ARHGAP44: variants seen among roughly 807,000 people sequenced by gnomAD.
ARHGAP44 encodes Rho GTPase activating protein 44, also known as rho GTPase-activating protein 44.
ARHGAP44 carries 43 observed loss-of-function variants against 106.8 expected under a neutral mutation model. That is an observed-to-expected ratio of 0.40 (90% CI 0.32 to 0.52). The LOEUF is 0.52. ARHGAP44 is among the 20% of genes least tolerant of loss of function. The pLI, the probability that ARHGAP44 is intolerant of heterozygous loss-of-function variation, is 0.48. For missense variants in ARHGAP44, 866 were observed against 1,050.5 expected, an observed-to-expected ratio of 0.82 and a Z score of 2.43; for synonymous variants, 439 against 410.3, an observed-to-expected ratio of 1.07 and a Z score of -0.85.
intron 1 of ARHGAP44, among the ~76,000 whole-genome samples, chr17:12,841,641 A>ACACACACAC (rs2035409552): frequency 7.8e-6 from 1 of 127,806 alleles, no homozygotes; most frequent in African/African-American, 3.4e-5. Context: ...CACACACACA[A>ACACACACAC]ACAAACAAAC....
At chr17:12,941,900 G>A (rs895074568) in intron 8 of ARHGAP44, among the ~76,000 whole-genome samples, 1 of 152,146 alleles carries the variant, frequency 6.6e-6, no homozygotes, top group Non-Finnish European at 1.5e-5. Flanking sequence ...GGAATAAAAG[G>A]CTAAGACCTA....
At chr17:12,956,866 AACACACACAC>A (rs3076699) in intron 15 of ARHGAP44, 120 bp downstream of exon 15, 17 of 621,428 alleles carry the variant, frequency 2.7e-5, no homozygotes, top group Admixed American at 7.8e-5. Flanking sequence ...TTCCCCTATA[AACACACACAC>A]ACACACACAC....
intron 1 of ARHGAP44, among the ~76,000 whole-genome samples, chr17:12,888,799 T>C (rs1312559396): frequency 6.6e-6 from 1 of 152,244 alleles, no homozygotes; most frequent in Admixed American, 6.5e-5. Context: ...CTTAGGATTG[T>C]TGTGTCTTAG....
At chr17:12,854,746 G>A (rs1254772123) in intron 1 of ARHGAP44, among the ~76,000 whole-genome samples, 1 of 152,032 alleles carries the variant, frequency 6.6e-6, no homozygotes, top group Admixed American at 6.5e-5. Context: ...ATCACCTTAG[G>A]TTGGGAGCTC....
chr17:12,965,117 G>A (rs2039358383), intron 16 of ARHGAP44, among the ~76,000 whole-genome samples: 1 of 152,124 alleles, frequency 6.6e-6, no homozygotes, highest in Non-Finnish European at 1.5e-5. Flanking sequence ...TCAAGGCCCT[G>A]ACAGCATCTA....
At position 12,944,137 on chromosome 17, in the gene ARHGAP44, A is replaced by G; in HGVS notation, c.802A>G (p.Ile268Val). 6.2e-7 allele frequency: 1 copy of G among 1,612,804 alleles called. No homozygotes were observed. The change falls in exon 10 of 21, where the codon ATC (isoleucine) becomes GTC (valine). Residue 268 changes from isoleucine to valine, a missense_variant. Ile to Val is a conservative substitution (Grantham distance 29). Transcript: ENST00000379672. ...GCACCTCACCATCAGCGGCCGGGAG[A>G]TCGCCTTCCCCATCGAGGCGTGTGT... Reference protein sequence around the residue: ...EEHLTISGREIAFPIEACVTM... With the variant: ...EEHLTISGREVAFPIEACVTM...
At chr17:12,848,821 C>T (rs541981892) in intron 1 of ARHGAP44, among the ~76,000 whole-genome samples, 6 of 152,142 alleles carry the variant, frequency 3.9e-5, no homozygotes, top group Non-Finnish European at 7.4e-5. Flanking sequence ...CCAAGGTGGG[C>T]GGATCACCAG....
intron 15 of ARHGAP44, among the ~76,000 whole-genome samples, chr17:12,957,623 G>T (rs2039162254): frequency 6.6e-6 from 1 of 152,078 alleles, no homozygotes; most frequent in Non-Finnish European, 1.5e-5. Flanking sequence ...TTCAAAATTA[G>T]GCTCTGAAGA....
chr17:12,870,658 T>C (rs1314578992), intron 1 of ARHGAP44, among the ~76,000 whole-genome samples: 1 of 152,246 alleles, frequency 6.6e-6, no homozygotes, highest in Non-Finnish European at 1.5e-5. Context: ...TTATTTCCTC[T>C]GGTGATTTAC....
chr17:12,986,700 AAAGAATG>A (rs2039967424), intron 20 of ARHGAP44: 1 of 142,826 alleles, frequency 7.0e-6, no homozygotes. Context: ...AAAAAAAAAA[AAAGAATG>A]AGCAGAAGAT....
At chr17:12,947,788 A>G (rs745428052) in intron 10 of ARHGAP44, among the ~76,000 whole-genome samples, 1 of 152,130 alleles carries the variant, frequency 6.6e-6, no homozygotes, top group Admixed American at 6.5e-5. Flanking sequence ...CCTTTCCTGT[A>G]TTCTGCAGTT....
chr17:12,853,482 C>T (rs987269206), intron 1 of ARHGAP44, among the ~76,000 whole-genome samples: 3 of 152,000 alleles, frequency 2.0e-5, no homozygotes, highest in South Asian at 2.1e-4. Flanking sequence ...GAATGAACAT[C>T]GAGAAGGCAG....
In ARHGAP44 at chr17:12,957,019, C is replaced by T. The variant is rs114790894; in HGVS notation, c.1342+273C>T. Among the ~76,000 whole-genome samples the T allele has an allele frequency of 8.1e-3, 1,227 of 152,182 alleles. 20 individuals are homozygous for T. Among genetic ancestry groups the T allele is most frequent in the African/African-American group, 0.028 (1,155 of 41,498 alleles). On this transcript the variant is annotated intron_variant, in intron 15 of 20. Coordinates refer to ENST00000379672, the MANE Select transcript of ARHGAP44 (RefSeq NM_014859.6). ...CAGGCTGGATTGCAATGGTCCGATC[C>T]GGCTCATCGCATCCTCTGCCTCCTA...
chr17:12,938,775 G>T (rs959794375), intron 7 of ARHGAP44, among the ~76,000 whole-genome samples: 8 of 152,108 alleles, frequency 5.3e-5, no homozygotes, highest in Admixed American at 5.2e-4. Flanking sequence ...TTAGATAAAT[G>T]AGAATTTGAT....
intron 1 of ARHGAP44, among the ~76,000 whole-genome samples, chr17:12,845,237 C>T (rs1186187193): frequency 1.3e-5 from 2 of 151,928 alleles, no homozygotes; most frequent in African/African-American, 2.4e-5. Flanking sequence ...CGGCTGGGTG[C>T]GGTGGCTCAC....
chr17:12,928,253 A>T (rs1231585499), intron 6 of ARHGAP44, among the ~76,000 whole-genome samples: 24 of 152,220 alleles, frequency 1.6e-4, no homozygotes, highest in Admixed American at 1.6e-3. Flanking sequence ...TCTTACCAGC[A>T]TGTCTTCTCA....
At chr17:12,985,324 GCT>G (rs753516430) in intron 20 of ARHGAP44, 2 of 167,630 alleles carry the variant, frequency 1.2e-5, no homozygotes, top group Non-Finnish European at 2.5e-5. Flanking sequence ...GAGAACAGGG[GCT>G]AAGAACCCAA....
Position 12,915,810 on chromosome 17 carries a change from T to G in ARHGAP44, c.276-90T>G. On this transcript the variant is annotated intron_variant, in intron 4 of 20. Transcript: ENST00000379672. ...TTATTAACACTGACTTGTGAAAGTTTACAAGTGAGCCAGGAGGTGAGGGGA... is the reference window on the plus strand; with the variant it reads ...TTATTAACACTGACTTGTGAAAGTTGACAAGTGAGCCAGGAGGTGAGGGGA... The G allele has an allele frequency of 4.4e-6, 5 of 1,134,460 alleles. No homozygotes were observed. In the Middle Eastern group the frequency reaches 5.9e-4, roughly 135 times the overall value. The allele number at this position is 1,134,460 out of a possible 1,614,324, so 70.3% of individuals were successfully genotyped here.
Position 12,866,737 on chromosome 17 carries a change from G to A in ARHGAP44, c.54-28203G>A, listed in dbSNP as rs1025522108. Among the ~76,000 whole-genome samples, 5 of 152,112 alleles carry A rather than the reference G, an allele frequency of 3.3e-5. No individual in the cohort carries two copies. The East Asian group carries it at 9.6e-4, about 29-fold the overall frequency. The stretch of plus-strand genomic sequence containing the variant: ...TTTAGAGAGAGGTGAAAAGACAAAG[G>A]GAAAAGGTTTTTAGTCTTCTAGGAG... On this transcript the variant is annotated intron_variant, in intron 1 of 20. Coordinates refer to ENST00000379672, the MANE Select transcript of ARHGAP44 (RefSeq NM_014859.6).
Sources: gnomAD v4.1 joint callset for allele counts (sites outside exome capture counted in the v4.1 genomes callset) on GRCh38, gnomAD v4.1.1 for gene constraint, MANE v1.5 for transcripts, NCBI Gene and HGNC (gene_info 2026-07-23, HGNC 2026-07-21) for gene names.